The following EPRS1 variants were observed in gnomAD, a reference collection of about 807,000 sequenced individuals.
EPRS1 encodes the protein glutamyl-prolyl-tRNA synthetase 1.
Under a neutral mutation model 188.3 loss-of-function variants are expected in EPRS1, and 107 were observed. That is an observed-to-expected ratio of 0.57 (90% CI 0.49 to 0.67). The LOEUF is 0.67. Ranked by LOEUF, EPRS1 falls within the 30% of genes least tolerant of loss-of-function variation. EPRS1 has a pLI of 0.00. For missense variants in EPRS1, 1,577 were observed against 1,802.2 expected, an observed-to-expected ratio of 0.88 and a Z score of 2.26; for synonymous variants, 596 against 593.1, an observed-to-expected ratio of 1.00 and a Z score of -0.07.
chr1:220,015,276 A>G (rs7548397), intron 12 of EPRS1, among the ~76,000 whole-genome samples: 121,736 of 151,838 alleles, frequency 0.8, 48,971 homozygotes, highest in East Asian at 0.93. Flanking sequence ...CAGCTTGGCC[A>G]AGATGATGAA....
At chr1:220,027,836 T>C (rs1055383788) in intron 6 of EPRS1, among the ~76,000 whole-genome samples, 3 of 151,302 alleles carry the variant, frequency 2.0e-5, no homozygotes, top group African/African-American at 7.3e-5. Flanking sequence ...TACAAAAAAT[T>C]AATTAATTAA....
At chr1:219,977,670 G>T (rs1660806214) in intron 28 of EPRS1, among the ~76,000 whole-genome samples, 1 of 152,082 alleles carries the variant, frequency 6.6e-6, no homozygotes, top group South Asian at 2.1e-4. Context: ...ATATAAAGAA[G>T]CTGGTATATT....
At chr1:219,988,513 G>A in intron 19 of EPRS1, 77 bp downstream of exon 19, 1 of 922,034 alleles carries the variant, frequency 1.1e-6, no homozygotes, top group Middle Eastern at 2.2e-4. Flanking sequence ...GATTTGATGG[G>A]GCACAAAACA....
chr1:220,036,821 CTAAAA>C (rs1291917672), intron 2 of EPRS1, among the ~76,000 whole-genome samples: 6 of 151,834 alleles, frequency 4.0e-5, no homozygotes, highest in South Asian at 2.1e-4. Flanking sequence ...ACCACTGAAC[CTAAAA>C]TAAAAGTTCA....
intron 18 of EPRS1, among the ~76,000 whole-genome samples, chr1:219,993,876 T>G (rs7517173): frequency 1.3e-5 from 2 of 152,158 alleles, no homozygotes; most frequent in African/African-American, 4.8e-5. Flanking sequence ...AACAAGCAAA[T>G]AGAAAAAGTA....
chr1:219,975,625 C>T (rs1161791703), intron 28 of EPRS1, among the ~76,000 whole-genome samples: 1 of 152,050 alleles, frequency 6.6e-6, no homozygotes, highest in Non-Finnish European at 1.5e-5. Context: ...TTAGCAGAGA[C>T]AGGGTTTCAC....
intron 13 of EPRS1, among the ~76,000 whole-genome samples, chr1:220,008,243 G>A (rs1661533798): frequency 6.6e-6 from 1 of 151,882 alleles, no homozygotes; most frequent in South Asian, 2.1e-4. Flanking sequence ...AGGAAATTAT[G>A]GACCTTTCAG....
At chr1:220,043,832 A>C (rs1351762103) in intron 1 of EPRS1, among the ~76,000 whole-genome samples, 1 of 152,236 alleles carries the variant, frequency 6.6e-6, no homozygotes, top group Non-Finnish European at 1.5e-5. Flanking sequence ...TCCAGACTGA[A>C]AGAAACTGGA....
At chr1:219,992,605 A>G (rs915429467) in intron 18 of EPRS1, among the ~76,000 whole-genome samples, 1 of 152,186 alleles carries the variant, frequency 6.6e-6, no homozygotes, top group African/African-American at 2.4e-5. Context: ...CGATATGTAC[A>G]CCATGAGTGT....
intron 6 of EPRS1, 53 bp downstream of exon 6, chr1:220,030,333 A>T: frequency 8.3e-7 from 1 of 1,202,598 alleles, no homozygotes; most frequent in Non-Finnish European, 1.2e-6. Flanking sequence ...TCACTGTTTT[A>T]AAGCTTTCCC....
rs778518963 is a variant in EPRS1 at position 219,972,145 on chromosome 1, G to A, written c.4247C>T (p.Ala1416Val). Residue 1416 changes from alanine to valine, a missense_variant and splice_region_variant, in exon 30 of 32, where the codon GCT becomes GTT. Around this residue, in one of 3 missense-constraint regions of EPRS1, gnomAD observed 296 missense variants for 327.9 expected, o/e 0.90. Coordinates refer to ENST00000366923, the MANE Select transcript of EPRS1 (RefSeq NM_004446.3). ...EDIQVTLFTRASEDLKTHMVV... is the reference protein window; with the variant it reads ...EDIQVTLFTRVSEDLKTHMVV... ...CATATGAGTCTTAAGGTCTTCAGAA[G>A]CCCTACCAAACAAAATTAGAAAACA... 2 of 1,559,198 alleles carry A rather than the reference G, an allele frequency of 1.3e-6. No individual in the cohort carries two copies. Among genetic ancestry groups the A allele is most frequent in the Non-Finnish European group, 8.7e-7 (1 of 1,151,486 alleles).
chr1:220,030,339 T>G, intron 6 of EPRS1, 47 bp downstream of exon 6: 4 of 1,255,692 alleles, frequency 3.2e-6, no homozygotes, highest in Non-Finnish European at 4.7e-6. Context: ...TTTTAAAGCT[T>G]TCCCACTAAA....
intron 13 of EPRS1, among the ~76,000 whole-genome samples, chr1:220,010,622 C>T (rs935004042): frequency 1.3e-5 from 2 of 151,926 alleles, no homozygotes; most frequent in Non-Finnish European, 2.9e-5. Flanking sequence ...CCAACCTGGC[C>T]AACATGGTGA....
intron 18 of EPRS1, among the ~76,000 whole-genome samples, chr1:219,992,333 C>T (rs1291765933): frequency 6.6e-6 from 1 of 152,178 alleles, no homozygotes; most frequent in African/African-American, 2.4e-5. Flanking sequence ...TGATTCAACT[C>T]CCCTCCACAT....
intron 6 of EPRS1, 31 bp from the exon 7 acceptor site, chr1:220,025,289 A>G (rs1357955156): frequency 1.3e-6 from 2 of 1,550,432 alleles, no homozygotes; most frequent in Non-Finnish European, 1.7e-6. Flanking sequence ...AAAGAAACTC[A>G]TTAACATGTT....
At chr1:220,009,324 T>TA (rs1652612783) in intron 13 of EPRS1, among the ~76,000 whole-genome samples, 2 of 152,222 alleles carry the variant, frequency 1.3e-5, no homozygotes, top group Admixed American at 1.3e-4. Context: ...ATATGTGAGT[T>TA]AGTCTACGAA....
intron 15 of EPRS1, 41 bp downstream of exon 15, chr1:220,006,065 G>T: frequency 2.5e-6 from 3 of 1,196,370 alleles, no homozygotes; most frequent in South Asian, 1.7e-5. Flanking sequence ...AATTCTAAAG[G>T]AAAATTTAAA....
chr1:219,985,837 TG>T (rs1215481807), intron 20 of EPRS1, among the ~76,000 whole-genome samples: 1 of 152,212 alleles, frequency 6.6e-6, no homozygotes, highest in Non-Finnish European at 1.5e-5. Context: ...AGGATAGAGA[TG>T]GTCTCTTTTT....
intron 27 of EPRS1, 97 bp from the exon 28 acceptor site, chr1:219,978,816 C>T: frequency 1.2e-6 from 1 of 813,808 alleles, no homozygotes; most frequent in Non-Finnish European, 1.9e-6. Context: ...ATATTATTAA[C>T]ACGAATCAGC....
Sources: allele counts gnomAD v4.1 joint callset (sites outside exome capture counted in the v4.1 genomes callset), GRCh38; gene constraint gnomAD v4.1.1; regional missense constraint gnomAD v4.1.1; transcripts MANE v1.5; gene names NCBI Gene and HGNC (gene_info 2026-07-23, HGNC 2026-07-21).